Variants in C10orf67 observed in about 807,000 individuals in gnomAD.
C10orf67 encodes the protein uncharacterized protein C10orf67, mitochondrial.
C10orf67 carries 60 observed loss-of-function variants against 35.6 expected under a neutral mutation model. The observed-to-expected ratio is 1.68, with a 90% confidence interval of 1.37 to 2.09. The LOEUF (loss-of-function observed/expected upper bound fraction) is 2.09. Ranked by LOEUF, C10orf67 falls within the 30% of genes most tolerant of loss-of-function variation. The probability of loss-of-function intolerance (pLI) is 0.00; values close to 1 mark genes in which losing one functional copy is unlikely to be tolerated. For missense variants in C10orf67, 474 were observed against 330.2 expected (o/e 1.44, Z -3.38); for synonymous variants, 167 against 115.8 (o/e 1.44, Z -2.84).
Position 23,208,049 on chromosome 10 carries a change from C to A in C10orf67, c.1571-3794G>T, listed in dbSNP as rs1366585676. Reference sequence around the variant, plus strand: ...TTCTAATCCTAGAGAAAAATAAACACTCTTAATATGGAAGCGTTAGGTAGT... The same window carrying A: ...TTCTAATCCTAGAGAAAAATAAACAATCTTAATATGGAAGCGTTAGGTAGT... On this transcript the variant is annotated intron_variant, in intron 15 of 15. Transcript: ENST00000636213. Among the ~76,000 whole-genome samples the A allele has an allele frequency of 7.2e-5, 11 of 152,308 alleles. No homozygotes were observed. In the East Asian group the frequency reaches 2.1e-3, roughly 29 times the overall value.
chr10:23,315,506 A>C (rs940807714), intron 4 of C10orf67, among the ~76,000 whole-genome samples: 1 of 152,084 alleles, frequency 6.6e-6, no homozygotes, highest in South Asian at 2.1e-4. Context: ...TGGCATGATC[A>C]TGGCTCACTG....
intron 8 of C10orf67, among the ~76,000 whole-genome samples, chr10:23,269,255 G>T (rs1812176219): frequency 6.6e-6 from 1 of 152,134 alleles, no homozygotes; most frequent in African/African-American, 2.4e-5. Context: ...CATGATGAAT[G>T]AAGAAATAAA....
intron 5 of C10orf67, among the ~76,000 whole-genome samples, chr10:23,296,363 C>T (rs1466783493): frequency 6.6e-6 from 1 of 152,114 alleles, no homozygotes; most frequent in African/African-American, 2.4e-5. Flanking sequence ...TTCTTTACCT[C>T]CTGTTTTTGC....
intron 15 of C10orf67, among the ~76,000 whole-genome samples, chr10:23,205,971 T>C (rs543572202): frequency 1.3e-5 from 2 of 152,368 alleles, no homozygotes; most frequent in East Asian, 1.9e-4. Flanking sequence ...TTTCTAACAA[T>C]GTGCATTTTT....
At chr10:23,237,655 G>A (rs1842083001) in intron 13 of C10orf67, among the ~76,000 whole-genome samples, 1 of 152,212 alleles carries the variant, frequency 6.6e-6, no homozygotes, top group South Asian at 2.1e-4. Context: ...TAAAAGTATT[G>A]TGCTGTGTAA....
chr10:23,316,151 T>C (rs1844702638), intron 4 of C10orf67, among the ~76,000 whole-genome samples: 1 of 152,234 alleles, frequency 6.6e-6, no homozygotes, highest in Non-Finnish European at 1.5e-5. Flanking sequence ...GCAAGCCAGA[T>C]GCAGAGTGAC....
chr10:23,216,080 A>C (rs1388591571), intron 15 of C10orf67, among the ~76,000 whole-genome samples: 1 of 152,220 alleles, frequency 6.6e-6, no homozygotes, highest in African/African-American at 2.4e-5. Context: ...ACAGTACTGG[A>C]AATTCTAGCC....
intron 5 of C10orf67, among the ~76,000 whole-genome samples, chr10:23,292,912 A>C (rs1564493933): frequency 6.6e-6 from 1 of 152,186 alleles, no homozygotes; most frequent in Non-Finnish European, 1.5e-5. Flanking sequence ...CTGTTTTCTT[A>C]ATAAACGAAG....
At chr10:23,235,057 A>G (rs1204994749) in intron 13 of C10orf67, among the ~76,000 whole-genome samples, 4 of 151,690 alleles carry the variant, frequency 2.6e-5, no homozygotes, top group Non-Finnish European at 5.9e-5. Context: ...AATAAATAAA[A>G]GGATTTACAT....
At chr10:23,284,114 T>TAAAAA (rs71395837) in intron 7 of C10orf67, among the ~76,000 whole-genome samples, 63 of 137,546 alleles carry the variant, frequency 4.6e-4, no homozygotes, top group African/African-American at 1.7e-3. Flanking sequence ...ATCCAGGGCT[T>TAAAAA]AAAAAAAAAA....
At chr10:23,340,753 T>C (rs780306788) in intron 1 of C10orf67, among the ~76,000 whole-genome samples, 2 of 152,254 alleles carry the variant, frequency 1.3e-5, no homozygotes, top group African/African-American at 2.4e-5. Context: ...AAGTGGTTCC[T>C]ACACAGTCTT....
intron 5 of C10orf67, among the ~76,000 whole-genome samples, chr10:23,297,230 C>CCTTTCCTTTCCTTT (rs1843909292): frequency 1.4e-5 from 2 of 145,604 alleles, no homozygotes; most frequent in Non-Finnish European, 3.0e-5. Context: ...CTTTCTATTT[C>CCTTTCCTTTCCTTT]CCTTTCCTTT....
chr10:23,344,452 A>T (rs939424046), intron 1 of C10orf67, 117 bp downstream of exon 1: 7 of 998,812 alleles, frequency 7.0e-6, no homozygotes, highest in African/African-American at 1.6e-5. Flanking sequence ...CACAGCCTGG[A>T]GGCTGCTGCG....
chr10:23,329,293 A>G (rs575151579), intron 2 of C10orf67, among the ~76,000 whole-genome samples: 69 of 152,186 alleles, frequency 4.5e-4, no homozygotes, highest in Admixed American at 1.6e-3. Flanking sequence ...ATAATAAAAG[A>G]CAATAAATAT....
Position 23,340,365 on chromosome 10 carries a change from A to G in C10orf67, c.206+4204T>C, listed in dbSNP as rs900063667. ...ACAAAAATACAAAAAAAAAAAAAAA[A>G]AAAAATTAGCTGGGCCTGGTGGCAC... On this transcript the variant is annotated intron_variant, in intron 1 of 15. Transcript: ENST00000636213. Among the ~76,000 whole-genome samples the G allele has an allele frequency of 1.7e-4, 26 of 151,814 alleles. No individual in the cohort carries two copies. The East Asian group carries it at 4.8e-3, about 28-fold the overall frequency.
At chr10:23,313,782 G>C (rs1844587884) in intron 4 of C10orf67, among the ~76,000 whole-genome samples, 1 of 152,136 alleles carries the variant, frequency 6.6e-6, no homozygotes, top group South Asian at 2.1e-4. Flanking sequence ...AGACATAAAA[G>C]GACCTTCTAA....
Position 23,250,373 on chromosome 10 carries a change from A to C in C10orf67, c.1346+82T>G, listed in dbSNP as rs192371854. 3 of 397,098 alleles carry C rather than the reference A, an allele frequency of 7.6e-6. No homozygotes were observed. In the East Asian group the frequency reaches 1.1e-4, roughly 14 times the overall value. 24.6% of individuals were successfully genotyped at this position (397,098 alleles called of 1,614,324 possible). ...TGAGGTGATTTAACATTAGTATGTA[A>C]AAAAATTGCAACATTCCTAACTTCC... On this transcript the variant is annotated intron_variant, in intron 12 of 15. Coordinates refer to ENST00000636213, the MANE Select transcript of C10orf67 (RefSeq NM_001371909.1).
intron 7 of C10orf67, among the ~76,000 whole-genome samples, chr10:23,288,751 C>T (rs1843622648): frequency 6.6e-6 from 1 of 152,030 alleles, no homozygotes; most frequent in Non-Finnish European, 1.5e-5. Context: ...TTAATTTTGT[C>T]TGATTTTAAT....
chr10:23,320,791 A>G lies in C10orf67; in HGVS notation c.496T>C (p.Phe166Leu), dbSNP rs768642919. The change falls in exon 4 of 16, where the codon TTC becomes CTC. Residue 166 changes from phenylalanine to leucine, a missense_variant. Phe to Leu is a conservative substitution (Grantham distance 22, BLOSUM62 0). Transcript: ENST00000636213. The stretch of plus-strand genomic sequence containing the variant: ...ATGGCATCAGCTAACTGCTGATTGA[A>G]GGATTTTCTCATCTTATCCTCATTC... The part of the protein sequence containing the change: ...QQNEDKMRKS[F>L]NQQLADAIAV... 2.5e-6 allele frequency: 4 copies of G among 1,588,516 alleles called. No homozygotes were observed. Among genetic ancestry groups the G allele is most frequent in the Non-Finnish European group, 2.6e-6 (3 of 1,166,532 alleles).
Sources: gnomAD v4.1 joint callset for allele counts (sites outside exome capture counted in the v4.1 genomes callset) on GRCh38, gnomAD v4.1.1 for gene constraint, MANE v1.5 for transcripts, NCBI Gene and HGNC (gene_info 2026-07-23, HGNC 2026-07-21) for gene names.